The following OVCH1 variants were observed in gnomAD, a reference collection of about 807,000 sequenced individuals.
OVCH1 encodes the protein ovochymase 1, also known as ovochymase-1.
OVCH1 carries 139 observed loss-of-function variants against 138.4 expected under a neutral mutation model. The ratio of observed to expected loss-of-function variants is 1.00; its 90% CI spans 0.87 to 1.16. OVCH1 has a LOEUF of 1.16. OVCH1 is among the 50% of genes most tolerant of loss of function. The pLI, the probability that OVCH1 is intolerant of heterozygous loss-of-function variation, is 0.00. For synonymous variants in OVCH1, 453 were observed against 467.8 expected (o/e 0.97, Z 0.41); for missense variants, 1,367 against 1,357.9 (o/e 1.01, Z -0.11).
downstream of OVCH1, among the ~76,000 whole-genome samples, chr12:29,422,898 C>A (rs1262909191): frequency 3.3e-5 from 5 of 152,126 alleles, no homozygotes; most frequent in African/African-American, 7.2e-5. Flanking sequence ...TCGTGTTTAT[C>A]ATTATTTCTT....
At chr12:29,426,093 C>A (rs1941175709), downstream of OVCH1, 1 of 152,182 alleles carries the variant, frequency 6.6e-6, no homozygotes, top group Non-Finnish European at 1.5e-5. Context: ...TCTTTTAATT[C>A]TTTACTATCG....
exon 11 of OVCH1, chr12:29,477,379 A>C: frequency 6.2e-7 from 1 of 1,613,988 alleles, no homozygotes; most frequent in African/African-American, 1.3e-5. Context: ...GGTAAGCTCA[A>C]AGCCACTGCC....
intron 16 of OVCH1, among the ~76,000 whole-genome samples, chr12:29,466,841 A>G (rs1182969441): frequency 2.0e-5 from 3 of 152,156 alleles, no homozygotes. Context: ...TGTCACTTCT[A>G]CTTGGAGACT....
downstream of OVCH1, among the ~76,000 whole-genome samples, chr12:29,425,584 G>A (rs533450820): frequency 3.9e-5 from 6 of 152,232 alleles, no homozygotes; most frequent in African/African-American, 7.2e-5. Context: ...TGAGTCCCAC[G>A]TTTTCTACTT....
exon 12 of OVCH1, chr12:29,477,223 C>T (rs184388306): frequency 1.2e-6 from 2 of 1,613,668 alleles, no homozygotes; most frequent in Admixed American, 3.3e-5. Context: ...CAGACTCCCA[C>T]AACCTGACCC....
At chr12:29,434,323 G>C (rs537449044) in intron 26 of OVCH1, among the ~76,000 whole-genome samples, 1 of 152,156 alleles carries the variant, frequency 6.6e-6, no homozygotes, top group African/African-American at 2.4e-5. Flanking sequence ...AGTATGCTTA[G>C]GTGTTAAAAA....
At chr12:29,420,074 A>G (rs1445511878) in intron 3 of OVCH1, among the ~76,000 whole-genome samples, 1 of 152,226 alleles carries the variant, frequency 6.6e-6, no homozygotes, top group Non-Finnish European at 1.5e-5. Flanking sequence ...ATGGGACATC[A>G]TGTGATGTTC....
intron 13 of OVCH1, 69 bp downstream of exon 13, chr12:29,476,137 A>T: frequency 7.9e-7 from 1 of 1,265,452 alleles, no homozygotes; most frequent in Non-Finnish European, 1.2e-6. Flanking sequence ...TACCCAAGGA[A>T]GCCAGCCCAT....
chr12:29,407,170 A>C, the OVCH1 span, among the ~76,000 whole-genome samples: 1 of 148,896 alleles, frequency 6.7e-6, no homozygotes, highest in Admixed American at 6.7e-5. Flanking sequence ...TTTTTCTTGT[A>C]AATTTGTTTG....
downstream of OVCH1, among the ~76,000 whole-genome samples, chr12:29,408,933 G>T (rs556523026): frequency 3.9e-5 from 6 of 152,224 alleles, no homozygotes; most frequent in South Asian, 1.2e-3. Context: ...GAATCCATCT[G>T]GTCCTGGACT....
intron 3 of OVCH1, among the ~76,000 whole-genome samples, chr12:29,422,390 T>C (rs1941116843): frequency 6.6e-6 from 1 of 152,114 alleles, no homozygotes; most frequent in African/African-American, 2.4e-5. Context: ...GCCCATTCAT[T>C]CCCCTGTCTT....
In OVCH1 at chr12:29,450,987, AG is replaced by A. The variant is rs1191142539; in HGVS notation, c.2755+357del. 2.1e-4 allele frequency among the ~76,000 whole-genome samples: 18 copies of A among 86,288 alleles called. No homozygotes were observed. The Admixed American group carries it at 3.4e-3, about 16-fold the overall frequency. The allele number at this position is 86,288 out of a possible 152,430, so 56.6% of individuals were successfully genotyped here. A position where few individuals can be genotyped will look rare whatever the true frequency, so the allele number is the denominator to read the frequency against. On this transcript the variant is annotated intron_variant, in intron 22 of 27. Coordinates refer to ENST00000318184, the Ensembl canonical transcript of OVCH1. ...ACAACGAGAACACATGGACACAGGG[AG>A]GGGAACATCACACACTGGGGCCTGT...
At chr12:29,481,347 G>T (rs1942926666) in intron 8 of OVCH1, among the ~76,000 whole-genome samples, 1 of 151,924 alleles carries the variant, frequency 6.6e-6, no homozygotes. Context: ...TTTTTGTCTT[G>T]ATTTATTGAA....
In OVCH1 at chr12:29,491,107, C is replaced by CTTGCCCCA; in HGVS notation, c.532_539dup (p.Lys180AsnfsTer35). 1 of 1,613,514 alleles carries CTTGCCCCA rather than the reference C, an allele frequency of 6.2e-7. No homozygotes were observed. Among genetic ancestry groups the CTTGCCCCA allele is most frequent in the South Asian group, 1.1e-5 (1 of 91,070 alleles). On this transcript the variant is annotated frameshift_variant, in exon 5 of 28. Transcript: ENST00000318184. LOFTEE classifies it high-confidence loss of function. ...TTTGGTGTCTCTTACTTTTGGAAAT[C>CTTGCCCCA]TTGCCCCATCCACTGGATAAGCAAA...
At chr12:29,476,226 G>C in exon 13 of OVCH1, 1 of 1,613,126 alleles carries the variant, frequency 6.2e-7, no homozygotes, top group Non-Finnish European at 8.5e-7. Flanking sequence ...CTTTTCTTCA[G>C]AATCACCGTA....
intron 16 of OVCH1, among the ~76,000 whole-genome samples, chr12:29,469,921 T>C (rs1942446613): frequency 6.6e-6 from 1 of 152,176 alleles, no homozygotes; most frequent in East Asian, 1.9e-4. Flanking sequence ...CTCTGCACAT[T>C]AGAATCATTT....
intron 16 of OVCH1, among the ~76,000 whole-genome samples, chr12:29,470,544 G>T (rs911529132): frequency 4.6e-5 from 7 of 152,128 alleles, no homozygotes; most frequent in African/African-American, 1.7e-4. Context: ...CAAAGGAGAT[G>T]ATCTCATTCT....
intron 3 of OVCH1, among the ~76,000 whole-genome samples, chr12:29,421,621 C>G (rs141098970): frequency 1.8e-4 from 27 of 152,136 alleles, no homozygotes; most frequent in East Asian, 1.7e-3. Context: ...CTAGACTTAT[C>G]AAAACACTTT....
downstream of OVCH1, among the ~76,000 whole-genome samples, chr12:29,427,295 T>C (rs1941195752): frequency 6.6e-6 from 1 of 152,220 alleles, no homozygotes; most frequent in African/African-American, 2.4e-5. Flanking sequence ...CTTTAGACAT[T>C]GAGGATACAG....
Sources: allele counts gnomAD v4.1 joint callset (sites outside exome capture counted in the v4.1 genomes callset), GRCh38; gene constraint gnomAD v4.1.1; transcripts MANE v1.5; gene names NCBI Gene and HGNC (gene_info 2026-07-23, HGNC 2026-07-21).